CATSPERD: variants seen among roughly 807,000 people sequenced by gnomAD.
The protein encoded by CATSPERD is catsper channel auxiliary subunit delta.
In CATSPERD, 86 loss-of-function variants were observed where a neutral mutation model predicts 98.1. That is an observed-to-expected ratio of 0.88 (90% CI 0.74 to 1.05). CATSPERD has a LOEUF of 1.05. Ranked by LOEUF, CATSPERD falls within the 50% of genes least tolerant of loss-of-function variation. The probability of loss-of-function intolerance (pLI) is 0.00; values close to 1 mark genes in which losing one functional copy is unlikely to be tolerated. For synonymous variants in CATSPERD, 394 were observed against 390.2 expected, an observed-to-expected ratio of 1.01 and a Z score of -0.12; for missense variants, 995 against 1,005.7, an observed-to-expected ratio of 0.99 and a Z score of 0.14.
chr19:5,763,284 CA>C lies in CATSPERD; in HGVS notation c.1499del (p.Lys500SerfsTer6). On this transcript the variant is annotated frameshift_variant, in exon 16 of 22. Coordinates refer to ENST00000381624, the MANE Select transcript of CATSPERD (RefSeq NM_152784.4). LOFTEE classifies it high-confidence loss of function. ...ANKEISCVDI[K>X]PLSTLISVGC... is the part of the protein sequence containing the mutation. ...ACAAGGAAATTTCATGTGTGGATAT[CA>C]AGCCACTGGTAGGTCCCAAATCTTT... 6.2e-7 allele frequency: 1 copy of C among 1,613,506 alleles called. No individual in the cohort carries two copies. The highest frequency in any genetic ancestry group is 8.5e-7 in the Non-Finnish European group (1 of 1,179,466).
intron 18 of CATSPERD, among the ~76,000 whole-genome samples, chr19:5,768,649 T>A (rs1451391631): frequency 1.3e-5 from 2 of 151,950 alleles, no homozygotes; most frequent in Admixed American, 1.3e-4. Context: ...TATTATTTTT[T>A]AAGAGATAGG....
chr19:5,771,116 G>T (rs2056636209), intron 19 of CATSPERD, 44 bp downstream of exon 19: 2 of 1,592,096 alleles, frequency 1.3e-6, no homozygotes, highest in African/African-American at 1.3e-5. Flanking sequence ...CGGTGGCAGG[G>T]CCTCATGCTC....
intron 17 of CATSPERD, among the ~76,000 whole-genome samples, chr19:5,766,838 G>A (rs1030211577): frequency 2.6e-5 from 4 of 151,416 alleles, no homozygotes; most frequent in Non-Finnish European, 2.9e-5. Context: ...GATTACAGGC[G>A]CCCGCTACCA....
chr19:5,750,399 A>T (rs564046576), intron 11 of CATSPERD, among the ~76,000 whole-genome samples: 3 of 143,456 alleles, frequency 2.1e-5, no homozygotes, highest in Non-Finnish European at 3.0e-5. Context: ...TGCAGTGAGC[A>T]GAGATCAAGC....
chr19:5,728,371 A>G lies in CATSPERD; in HGVS notation c.203+1027A>G, dbSNP rs189613513. Among the ~76,000 whole-genome samples, 154 of 148,102 alleles carry G rather than the reference A, an allele frequency of 1.0e-3. No homozygotes were observed. In the East Asian group the frequency reaches 0.019, roughly 18 times the overall value. ...GACTCTGTCTCAAAAAAAAAAAAAAAAAAGAAAAAGAAAAGAAAAGAAAGA... is the reference window on the plus strand; with the variant it reads ...GACTCTGTCTCAAAAAAAAAAAAAAGAAAGAAAAAGAAAAGAAAAGAAAGA... On this transcript the variant is annotated intron_variant, in intron 3 of 21. Coordinates refer to ENST00000381624, the MANE Select transcript of CATSPERD (RefSeq NM_152784.4).
chr19:5,772,600 C>T (rs1044642652), intron 19 of CATSPERD, among the ~76,000 whole-genome samples, 188 bp from the exon 20 acceptor site: 6 of 152,094 alleles, frequency 3.9e-5, no homozygotes, highest in Admixed American at 6.6e-5. Flanking sequence ...ATGCACCCAG[C>T]TCTTTCTCCT....
chr19:5,733,785 A>G lies in CATSPERD; in HGVS notation c.277-71A>G, dbSNP rs1328055242. On this transcript the variant is annotated intron_variant, in intron 4 of 21. Coordinates refer to ENST00000381624, the MANE Select transcript of CATSPERD (RefSeq NM_152784.4). ...ATTTTTTTTTTTTCAATGCATGTCT[A>G]GAAGTCTGCGTTTCTGAATCAATGT... 1.2e-5 allele frequency: 13 copies of G among 1,087,334 alleles called. No homozygotes were observed. In the East Asian group the frequency reaches 1.7e-4, roughly 14 times the overall value. The allele number at this position is 1,087,334 out of a possible 1,614,324, so 67.4% of individuals were successfully genotyped here.
intron 11 of CATSPERD, among the ~76,000 whole-genome samples, chr19:5,750,580 A>C (rs2056193135): frequency 6.6e-6 from 1 of 151,786 alleles, no homozygotes; most frequent in Non-Finnish European, 1.5e-5. Flanking sequence ...GTCTCTACTA[A>C]AAATATGAAA....
At chr19:5,728,674 C>T (rs1350810392) in intron 3 of CATSPERD, among the ~76,000 whole-genome samples, 1 of 151,020 alleles carries the variant, frequency 6.6e-6, no homozygotes, top group Admixed American at 6.6e-5. Context: ...GCCTGGATAA[C>T]ATAGCAAGAC....
In CATSPERD at chr19:5,772,933, GA is replaced by G; in HGVS notation, c.1911del (p.Glu637AspfsTer14). On this transcript the variant is annotated frameshift_variant, in exon 20 of 22. Transcript: ENST00000381624. LOFTEE classifies it high-confidence loss of function. Reference sequence around the variant, plus strand: ...GCAGAACTGGACCACCATGATAAAGGAATTCGGGGGGCCCTTCTTCTGGAAC... The same window carrying G: ...GCAGAACTGGACCACCATGATAAAGGATTCGGGGGGCCCTTCTTCTGGAAC... ...QPQNWTTMIK[E>X]FGGPFFWNRE... The G allele has an allele frequency of 6.2e-7, 1 of 1,614,062 alleles. No homozygotes were observed. The highest frequency in any genetic ancestry group is 2.2e-5 in the East Asian group (1 of 44,870).
chr19:5,722,681 CT>C (rs2055515395), intron 1 of CATSPERD, among the ~76,000 whole-genome samples: 1 of 151,802 alleles, frequency 6.6e-6, no homozygotes, highest in Non-Finnish European at 1.5e-5. Context: ...CCTGGACCTA[CT>C]GAGTCGGGGA....
chr19:5,757,900 T>A lies in CATSPERD; in HGVS notation c.1336T>A (p.Tyr446Asn). The A allele has an allele frequency of 1.9e-6, 3 of 1,613,402 alleles. No homozygotes were observed. The highest frequency in any genetic ancestry group is 2.5e-6 in the Non-Finnish European group (3 of 1,179,800). Reference protein sequence around the residue: ...GFQATFYENGYTSDGNTKYKL... With the variant: ...GFQATFYENGNTSDGNTKYKL... ...CCAGGCCACCTTCTACGAGAACGGTTACACATCAGATGGGAACACCAAGTA... is the reference window on the plus strand; with the variant it reads ...CCAGGCCACCTTCTACGAGAACGGTAACACATCAGATGGGAACACCAAGTA... Residue 446 changes from tyrosine to asparagine, a missense_variant, in exon 14 of 22, where the codon TAC becomes AAC. This residue lies in a region of CATSPERD where 762 missense variants were observed against 773.7 expected (regional missense o/e 0.98). Transcript: ENST00000381624.
At chr19:5,770,586 G>T (rs141409166) in intron 18 of CATSPERD, among the ~76,000 whole-genome samples, 58 of 152,004 alleles carry the variant, frequency 3.8e-4, no homozygotes, top group African/African-American at 1.4e-3. Context: ...TTTGAGACCA[G>T]CCTGGGCAAC....
At chr19:5,760,313 C>T (rs2056409901) in intron 15 of CATSPERD, among the ~76,000 whole-genome samples, 3 of 150,486 alleles carry the variant, frequency 2.0e-5, no homozygotes, top group Middle Eastern at 3.4e-3. Context: ...GCAGGAGAAT[C>T]GCTTGAACCC....
chr19:5,728,275 T>C (rs1370006184), intron 3 of CATSPERD, among the ~76,000 whole-genome samples: 2 of 149,436 alleles, frequency 1.3e-5, no homozygotes, highest in African/African-American at 4.9e-5. Flanking sequence ...GGAGAATCAC[T>C]TGAACCCAGG....
At chr19:5,742,096 T>C (rs2485265) in intron 7 of CATSPERD, among the ~76,000 whole-genome samples, 73,348 of 151,538 alleles carry the variant, frequency 0.48, 17,978 homozygotes, top group Non-Finnish European at 0.53. Flanking sequence ...TCACTAAAAT[T>C]CCCAATTATT....
chr19:5,763,444 A>G, intron 16 of CATSPERD, 151 bp downstream of exon 16: 2 of 620,046 alleles, frequency 3.2e-6, no homozygotes, highest in Middle Eastern at 3.8e-4. Flanking sequence ...AACTAAAAAA[A>G]TTAAAAATAA....
chr19:5,727,299 G>A lies in CATSPERD; in HGVS notation c.158G>A (p.Arg53His), dbSNP rs775178619. 1.2e-5 allele frequency: 19 copies of A among 1,613,630 alleles called. 1 individual carries two copies. Among genetic ancestry groups the A allele is most frequent in the South Asian group, 7.7e-5 (7 of 91,064 alleles). The stretch of plus-strand genomic sequence containing the variant: ...CTGTATTTTCATCCTACAACAACAC[G>A]CTTGATTAAACATCCTTGCGAGAAA... ...DRLYFHPTTT[R>H]LIKHPCEKNI... The change falls in exon 3 of 22, where the codon CGC (arginine) becomes CAC (histidine). Residue 53 changes from arginine to histidine, a missense_variant. Physicochemically the swap from Arg to His is conservative, Grantham distance 29. Transcript: ENST00000381624.
At chr19:5,731,346 G>A (rs940954415) in intron 4 of CATSPERD, among the ~76,000 whole-genome samples, 74 of 151,792 alleles carry the variant, frequency 4.9e-4, no homozygotes, top group Admixed American at 1.4e-3. Context: ...GTGGTGTGGT[G>A]GTGTGGTGGT....
Sources: allele counts gnomAD v4.1 joint callset (sites outside exome capture counted in the v4.1 genomes callset), GRCh38; gene constraint gnomAD v4.1.1; regional missense constraint gnomAD v4.1.1; transcripts MANE v1.5; gene names NCBI Gene and HGNC (gene_info 2026-07-23, HGNC 2026-07-21).